PDE4D: variants seen among roughly 807,000 people sequenced by gnomAD.
The protein encoded by PDE4D is phosphodiesterase 4D.
In PDE4D, 24 loss-of-function variants were observed where a neutral mutation model predicts 87.4. The observed-to-expected ratio is 0.27, with a 90% CI of 0.20 to 0.39. PDE4D has a LOEUF of 0.39. PDE4D is among the 10% of genes least tolerant of loss of function. PDE4D has a pLI of 1.00. For missense variants in PDE4D, 714 were observed against 1,041.0 expected (o/e 0.69, Z 4.32); for synonymous variants, 384 against 383.2 (o/e 1.00, Z -0.02).
At chr5:60,051,283 A>T (rs1048405849) in intron 2 of PDE4D, among the ~76,000 whole-genome samples, 5 of 152,152 alleles carry the variant, frequency 3.3e-5, no homozygotes, top group Non-Finnish European at 7.3e-5. Flanking sequence ...TTGACCACAT[A>T]ATTGGAAGTA....
At chr5:59,355,662 A>G (rs1412340650) in intron 1 of PDE4D, among the ~76,000 whole-genome samples, 2 of 152,150 alleles carry the variant, frequency 1.3e-5, no homozygotes, top group Non-Finnish European at 2.9e-5. Context: ...GTTAATACCT[A>G]TACCTTTAGC....
At chr5:59,404,458 A>T (rs1401950763) in intron 1 of PDE4D, among the ~76,000 whole-genome samples, 3 of 152,138 alleles carry the variant, frequency 2.0e-5, no homozygotes, top group Admixed American at 2.0e-4. Flanking sequence ...CAGGAGTTGG[A>T]GACCAACCTG....
At chr5:60,127,935 T>C (rs1327164418) in intron 2 of PDE4D, among the ~76,000 whole-genome samples, 1 of 151,752 alleles carries the variant, frequency 6.6e-6, no homozygotes, top group South Asian at 2.1e-4. Flanking sequence ...AATGGTCAAA[T>C]AGAAGTTAAA....
At chr5:59,738,815 G>T (rs769528933) in intron 1 of PDE4D, among the ~76,000 whole-genome samples, 2 of 150,986 alleles carry the variant, frequency 1.3e-5, no homozygotes, top group African/African-American at 2.4e-5. Flanking sequence ...TAAACACTAC[G>T]CATACTTCTT....
intron 3 of PDE4D, among the ~76,000 whole-genome samples, chr5:59,978,739 AG>A (rs1331835046): frequency 1.3e-5 from 2 of 152,188 alleles, no homozygotes; most frequent in Non-Finnish European, 2.9e-5. Flanking sequence ...TGTTCATGAA[AG>A]GAGGAATCAA....
chr5:59,853,684 G>A (rs887084099), intron 1 of PDE4D, among the ~76,000 whole-genome samples: 1 of 152,038 alleles, frequency 6.6e-6, no homozygotes, highest in East Asian at 1.9e-4. Flanking sequence ...AAGAGGCAGG[G>A]CAGAAACAGG....
intron 1 of PDE4D, among the ~76,000 whole-genome samples, chr5:59,273,289 AGAGAGGCC>A (rs1165043042): frequency 1.3e-5 from 2 of 152,122 alleles, no homozygotes; most frequent in Non-Finnish European, 2.9e-5. Flanking sequence ...AGGCACAAGA[AGAGAGGCC>A]GTTTGGGTTT....
chr5:60,180,595 A>G (rs1784301962), intron 2 of PDE4D, among the ~76,000 whole-genome samples: 2 of 152,274 alleles, frequency 1.3e-5, no homozygotes, highest in African/African-American at 2.4e-5. Context: ...GATATGCTCT[A>G]TGAGGGTAGA....
chr5:59,571,038 T>C (rs1423567630), intron 1 of PDE4D, among the ~76,000 whole-genome samples: 2 of 152,234 alleles, frequency 1.3e-5, no homozygotes, highest in Non-Finnish European at 2.9e-5. Flanking sequence ...AGTCTTCATG[T>C]GCACCATAAC....
chr5:59,004,723 T>TG (rs1356670938), intron 6 of PDE4D, among the ~76,000 whole-genome samples: 8 of 152,250 alleles, frequency 5.3e-5, no homozygotes, highest in Non-Finnish European at 1.2e-4. Context: ...TGTGAATAGC[T>TG]GCTGGGACTT....
intron 1 of PDE4D, among the ~76,000 whole-genome samples, chr5:59,336,658 G>A (rs1777705058): frequency 6.6e-6 from 1 of 152,154 alleles, no homozygotes; most frequent in Non-Finnish European, 1.5e-5. Flanking sequence ...TAATAATGTT[G>A]AGAATTGTTT....
intron 1 of PDE4D, among the ~76,000 whole-genome samples, chr5:59,780,085 C>T (rs1266919641): frequency 2.0e-5 from 3 of 152,038 alleles, no homozygotes; most frequent in East Asian, 1.9e-4. Flanking sequence ...GTCAGTGAGC[C>T]GGGCGCGGTG....
At chr5:59,016,798 T>C (rs1367838895) in intron 6 of PDE4D, among the ~76,000 whole-genome samples, 1 of 152,106 alleles carries the variant, frequency 6.6e-6, no homozygotes, top group African/African-American at 2.4e-5. Context: ...CAAACACTTA[T>C]TACATAGTAT....
intron 1 of PDE4D, among the ~76,000 whole-genome samples, chr5:59,639,986 CTTA>C (rs933865942): frequency 6.7e-6 from 1 of 149,264 alleles, no homozygotes; most frequent in African/African-American, 2.5e-5. Context: ...GAGCTTTTGT[CTTA>C]TTATAAACAA....
chr5:59,940,848 A>G (rs897734547), intron 3 of PDE4D, among the ~76,000 whole-genome samples: 8 of 152,160 alleles, frequency 5.3e-5, no homozygotes, highest in Non-Finnish European at 1.2e-4. Flanking sequence ...TTTAGAGGAC[A>G]TGACACATTG....
intron 1 of PDE4D, among the ~76,000 whole-genome samples, chr5:59,617,985 G>A (rs1579892410): frequency 6.6e-6 from 1 of 151,694 alleles, no homozygotes; most frequent in Non-Finnish European, 1.5e-5. Context: ...CCTTTATAAA[G>A]CCTCTCTTGA....
At chr5:60,103,152 CAGA>C (rs1776418629) in intron 2 of PDE4D, among the ~76,000 whole-genome samples, 1 of 152,132 alleles carries the variant, frequency 6.6e-6, no homozygotes, top group Non-Finnish European at 1.5e-5. Flanking sequence ...GAACAATTCC[CAGA>C]AGAATAAATG....
chr5:59,132,264 A>G (rs193145452), intron 5 of PDE4D, among the ~76,000 whole-genome samples: 23 of 152,336 alleles, frequency 1.5e-4, no homozygotes, highest in African/African-American at 5.3e-4. Context: ...AGACTTCTCA[A>G]TGGTGTGCCA....
chr5:60,294,682 C>T (rs1753216470), intron 1 of PDE4D, among the ~76,000 whole-genome samples: 2 of 151,736 alleles, frequency 1.3e-5, no homozygotes, highest in Non-Finnish European at 2.9e-5. Flanking sequence ...AAATGTGTGT[C>T]TATTTCTGGA....
Sources: allele counts gnomAD v4.1 joint callset (sites outside exome capture counted in the v4.1 genomes callset), GRCh38; gene constraint gnomAD v4.1.1; transcripts MANE v1.5; gene names NCBI Gene and HGNC (gene_info 2026-07-23, HGNC 2026-07-21).